NAV2: variants seen among roughly 807,000 people sequenced by gnomAD.
NAV2 encodes the protein neuron navigator 2, also known as helicase, APC down-regulated 1.
In NAV2, 54 loss-of-function variants were observed where a neutral mutation model predicts 223.2. The observed-to-expected ratio is 0.24, with a 90% CI of 0.19 to 0.30. NAV2 has a LOEUF of 0.30. Among genes scored for constraint, NAV2 ranks in the 10% least tolerant of loss-of-function variants. NAV2 has a pLI of 1.00. For missense variants in NAV2, 2,806 were observed against 3,147.5 expected (o/e 0.89, Z 2.60); for synonymous variants, 1,279 against 1,239.3 (o/e 1.03, Z -0.67).
chr11:19,705,981 T>C (rs1460998767), intron 1 of NAV2, among the ~76,000 whole-genome samples: 4 of 152,168 alleles, frequency 2.6e-5, no homozygotes, highest in African/African-American at 9.7e-5. Context: ...TGCTCACTAA[T>C]GTATCTCTAA....
intron 5 of NAV2, among the ~76,000 whole-genome samples, chr11:19,882,663 C>A (rs2063287175): frequency 6.6e-6 from 1 of 152,206 alleles, no homozygotes; most frequent in Non-Finnish European, 1.5e-5. Flanking sequence ...GAGCACCCAT[C>A]TCCCAGTAAG....
chr11:19,777,848 C>A (rs2056395054), intron 1 of NAV2: 4 of 455,758 alleles, frequency 8.8e-6, no homozygotes, highest in South Asian at 4.6e-5. Context: ...AGCATGTCTG[C>A]GCCCTCACAG....
chr11:19,378,145 T>A (rs1359848316), intron 1 of NAV2, among the ~76,000 whole-genome samples: 6 of 152,204 alleles, frequency 3.9e-5, no homozygotes, highest in Admixed American at 3.9e-4. Context: ...AAGTGATGCG[T>A]ACCGCAAACA....
At chr11:19,684,689 AC>A (rs1160945813) in intron 1 of NAV2, among the ~76,000 whole-genome samples, 1 of 151,996 alleles carries the variant, frequency 6.6e-6, no homozygotes, top group African/African-American at 2.4e-5. Flanking sequence ...TGCCAACCCC[AC>A]AGACACCAGA....
chr11:19,828,557 C>T (rs1369304476), intron 1 of NAV2, among the ~76,000 whole-genome samples: 4 of 152,268 alleles, frequency 2.6e-5, no homozygotes, highest in South Asian at 4.1e-4. Flanking sequence ...TGATGCATGA[C>T]GGCTCACTGC....
At chr11:20,100,543 A>AGG (rs1365031652) in intron 31 of NAV2, among the ~76,000 whole-genome samples, 7 of 123,014 alleles carry the variant, frequency 5.7e-5, no homozygotes, top group East Asian at 5.9e-4. Context: ...AGTATACTAG[A>AGG]GGGGTGTGTG....
chr11:19,541,088 CT>C (rs1419814811), intron 1 of NAV2, among the ~76,000 whole-genome samples: 4 of 152,212 alleles, frequency 2.6e-5, no homozygotes, highest in Non-Finnish European at 5.9e-5. Flanking sequence ...ACACATTAGA[CT>C]TTGTTAAATG....
chr11:19,862,771 C>CA (rs1457892361), intron 3 of NAV2, among the ~76,000 whole-genome samples: 4 of 151,436 alleles, frequency 2.6e-5, no homozygotes, highest in Admixed American at 6.6e-5. Flanking sequence ...TACAGGTGGA[C>CA]AAAAAAAAGA....
chr11:20,072,252 G>A (rs528134195), intron 22 of NAV2, among the ~76,000 whole-genome samples: 2 of 152,280 alleles, frequency 1.3e-5, no homozygotes, highest in African/African-American at 4.8e-5. Context: ...GGTTGTAGAT[G>A]TGTGGCATTA....
intron 1 of NAV2, among the ~76,000 whole-genome samples, chr11:19,756,781 C>G (rs886717790): frequency 6.6e-6 from 1 of 152,198 alleles, no homozygotes; most frequent in African/African-American, 2.4e-5. Context: ...AAAGGCTGAT[C>G]AGGGCGCCAG....
At chr11:19,350,085 C>CTGATGATGATGA (rs3077390), upstream of NAV2, among the ~76,000 whole-genome samples, 86,136 of 149,492 alleles carry the variant, frequency 0.58, 25,337 homozygotes, top group Non-Finnish European at 0.63. Context: ...CCTTATTCCT[C>CTGATGATGATGA]TGATGATGAT....
At chr11:19,853,191 T>C (rs1406933438) in intron 3 of NAV2, among the ~76,000 whole-genome samples, 2 of 152,196 alleles carry the variant, frequency 1.3e-5, no homozygotes, top group Admixed American at 6.5e-5. Flanking sequence ...TTTTTGACAG[T>C]CTCCTGGGTG....
intron 26 of NAV2, among the ~76,000 whole-genome samples, chr11:20,087,483 A>G (rs1300535664): frequency 6.6e-6 from 1 of 152,158 alleles, no homozygotes; most frequent in Non-Finnish European, 1.5e-5. Flanking sequence ...TAGGCAGAGG[A>G]GTTGGGCTTA....
At chr11:20,112,571 C>T (rs575248137) in intron 36 of NAV2, among the ~76,000 whole-genome samples, 1 of 152,280 alleles carries the variant, frequency 6.6e-6, no homozygotes, top group South Asian at 2.1e-4. Flanking sequence ...GACAATGAGC[C>T]CAGCAGGCTG....
chr11:20,035,495 G>A (rs1202654499), intron 11 of NAV2, among the ~76,000 whole-genome samples: 1 of 152,068 alleles, frequency 6.6e-6, no homozygotes, highest in Non-Finnish European at 1.5e-5. Context: ...TCCCTCGCTC[G>A]GCGTTTCATT....
At chr11:19,687,217 C>T (rs572787773) in intron 1 of NAV2, among the ~76,000 whole-genome samples, 1 of 152,316 alleles carries the variant, frequency 6.6e-6, no homozygotes, top group Admixed American at 6.5e-5. Context: ...CCCAGCATCT[C>T]CGAAACACTG....
At chr11:19,832,241 C>A (rs559053733) in intron 1 of NAV2, among the ~76,000 whole-genome samples, 3 of 152,348 alleles carry the variant, frequency 2.0e-5, no homozygotes, top group South Asian at 4.1e-4. Context: ...CAGCCCTCTG[C>A]ATGTTTTGAA....
At chr11:19,455,675 G>C (rs1021452332) in intron 1 of NAV2, among the ~76,000 whole-genome samples, 1 of 152,166 alleles carries the variant, frequency 6.6e-6, no homozygotes, top group Non-Finnish European at 1.5e-5. Context: ...ATTGTCTCAG[G>C]ATCCCAGAGC....
intron 12 of NAV2, among the ~76,000 whole-genome samples, chr11:20,037,308 A>G (rs2056476770): frequency 6.6e-6 from 1 of 151,842 alleles, no homozygotes. Flanking sequence ...TACTTCATAC[A>G]GATAGGAGCT....
Sources: allele counts gnomAD v4.1 joint callset (sites outside exome capture counted in the v4.1 genomes callset), GRCh38; gene constraint gnomAD v4.1.1; transcripts MANE v1.5; gene names NCBI Gene and HGNC (gene_info 2026-07-23, HGNC 2026-07-21).